Variants in WDPCP observed in about 807,000 individuals in gnomAD.
WDPCP encodes WD repeat-containing and planar cell polarity effector protein fritz homolog.
In WDPCP, 71 loss-of-function variants were observed where a neutral mutation model predicts 93.1. That is an observed-to-expected ratio of 0.76 (90% CI 0.63 to 0.93). The LOEUF (loss-of-function observed/expected upper bound fraction) is 0.93. Ranked by LOEUF, WDPCP falls within the 40% of genes least tolerant of loss-of-function variation. The pLI, the probability that WDPCP is intolerant of heterozygous loss-of-function variation, is 0.00. For synonymous variants in WDPCP, 315 were observed against 315.0 expected, an observed-to-expected ratio of 1.00 and a Z score of 0.00; for missense variants, 844 against 887.4, an observed-to-expected ratio of 0.95 and a Z score of 0.62.
At chr2:63,200,941 A>C (rs973519196) in intron 14 of WDPCP, among the ~76,000 whole-genome samples, 2 of 152,004 alleles carry the variant, frequency 1.3e-5, no homozygotes, top group African/African-American at 4.8e-5. Flanking sequence ...AAATGTGAGA[A>C]GGACATGAGA....
intron 1 of WDPCP, among the ~76,000 whole-genome samples, chr2:63,554,054 A>G (rs2106373160): frequency 6.6e-6 from 1 of 152,328 alleles, no homozygotes; most frequent in South Asian, 2.1e-4. Flanking sequence ...ACCAAATGCC[A>G]GTTTCACCCA....
At chr2:63,811,339 A>G (rs1197372442) in intron 2 of WDPCP, among the ~76,000 whole-genome samples, 1 of 152,232 alleles carries the variant, frequency 6.6e-6, no homozygotes, top group African/African-American at 2.4e-5. Flanking sequence ...TCTTGCTCAC[A>G]GACTCACTCT....
chr2:63,677,742 C>A (rs914823072), intron 2 of WDPCP, among the ~76,000 whole-genome samples: 1 of 152,100 alleles, frequency 6.6e-6, no homozygotes, highest in African/African-American at 2.4e-5. Context: ...AAAATAAGAG[C>A]ATTTTCAGAC....
intron 14 of WDPCP, among the ~76,000 whole-genome samples, chr2:63,216,803 T>C (rs1382663614): frequency 1.3e-5 from 2 of 152,124 alleles, no homozygotes; most frequent in Admixed American, 6.5e-5. Context: ...GCTTAGGAAA[T>C]TTTTTAATGA....
intron 2 of WDPCP, among the ~76,000 whole-genome samples, chr2:63,658,674 C>T (rs1710193783): frequency 6.6e-6 from 1 of 152,204 alleles, no homozygotes; most frequent in Non-Finnish European, 1.5e-5. Flanking sequence ...GCCTTTAATG[C>T]TCAAATAACA....
At chr2:63,327,103 C>T (rs1261977163) in intron 12 of WDPCP, among the ~76,000 whole-genome samples, 1 of 152,056 alleles carries the variant, frequency 6.6e-6, no homozygotes, top group East Asian at 1.9e-4. Flanking sequence ...GAACTCCCTT[C>T]AGGACAGGAC....
At chr2:63,344,704 A>G (rs1195038323) in intron 12 of WDPCP, among the ~76,000 whole-genome samples, 1 of 152,178 alleles carries the variant, frequency 6.6e-6, no homozygotes, top group Non-Finnish European at 1.5e-5. Context: ...TACATGCTTT[A>G]GATACACACT....
intron 3 of WDPCP, among the ~76,000 whole-genome samples, chr2:63,625,409 C>A (rs1709799005): frequency 6.6e-6 from 1 of 152,152 alleles, no homozygotes; most frequent in Non-Finnish European, 1.5e-5. Context: ...AAGATAACAT[C>A]ATTGTATATT....
At chr2:63,303,738 T>G (rs893119991) in intron 13 of WDPCP, among the ~76,000 whole-genome samples, 1 of 152,076 alleles carries the variant, frequency 6.6e-6, no homozygotes, top group African/African-American at 2.4e-5. Flanking sequence ...CTTGGCTCTC[T>G]GGGGCAATGG....
chr2:63,216,420 A>G (rs1456408149), intron 14 of WDPCP, among the ~76,000 whole-genome samples: 2 of 152,206 alleles, frequency 1.3e-5, no homozygotes, highest in African/African-American at 4.8e-5. Context: ...ACATGGATGA[A>G]GCTGGAAACC....
At chr2:63,320,078 GC>G (rs1408507328) in intron 12 of WDPCP, among the ~76,000 whole-genome samples, 1 of 152,014 alleles carries the variant, frequency 6.6e-6, no homozygotes, top group African/African-American at 2.4e-5. Context: ...AGCCTTACAT[GC>G]TTATATTGAA....
intron 2 of WDPCP, among the ~76,000 whole-genome samples, chr2:63,802,689 G>T (rs1409195923): frequency 1.3e-5 from 2 of 151,974 alleles, no homozygotes; most frequent in Admixed American, 1.3e-4. Flanking sequence ...TCTGGCAAAT[G>T]AATTAGGAAA....
chr2:63,709,890 G>C (rs1669234047), intron 2 of WDPCP, among the ~76,000 whole-genome samples: 1 of 152,196 alleles, frequency 6.6e-6, no homozygotes, highest in Non-Finnish European at 1.5e-5. Context: ...TTTTGGGTTT[G>C]TGAAAGCAAT....
intron 9 of WDPCP, among the ~76,000 whole-genome samples, chr2:63,405,464 T>C (rs1694492140): frequency 6.6e-6 from 1 of 152,180 alleles, no homozygotes; most frequent in Middle Eastern, 3.4e-3. Flanking sequence ...GGGAAATCTA[T>C]GTAAACAGAG....
At chr2:63,818,120 T>A (rs1009956252) in intron 1 of WDPCP, among the ~76,000 whole-genome samples, 1 of 152,146 alleles carries the variant, frequency 6.6e-6, no homozygotes, top group Non-Finnish European at 1.5e-5. Flanking sequence ...TGGCGAGTAA[T>A]GAAAGAGAAT....
intron 14 of WDPCP, among the ~76,000 whole-genome samples, chr2:63,258,629 T>TAA (rs2104767125): frequency 6.6e-6 from 1 of 152,280 alleles, no homozygotes; most frequent in South Asian, 2.1e-4. Context: ...CTTTGCCTAC[T>TAA]TTAGGAATAA....
chr2:63,378,589 T>C, intron 11 of WDPCP, 80 bp from the exon 12 acceptor site: 7 of 1,595,708 alleles, frequency 4.4e-6, no homozygotes, highest in Non-Finnish European at 6.0e-6. Context: ...TTGCAGTCAG[T>C]CAGGTTTTGC....
intron 2 of WDPCP, among the ~76,000 whole-genome samples, chr2:63,745,354 A>G (rs1669779204): frequency 6.6e-6 from 1 of 152,228 alleles, no homozygotes; most frequent in East Asian, 1.9e-4. Context: ...AATATGGTTA[A>G]AACTATTCCA....
intron 2 of WDPCP, among the ~76,000 whole-genome samples, chr2:63,721,864 CG>C (rs1489321824): frequency 6.6e-6 from 1 of 152,190 alleles, no homozygotes; most frequent in African/African-American, 2.4e-5. Flanking sequence ...CTCAGCCTGC[CG>C]AGTGCCTGCG....
Sources: allele counts gnomAD v4.1 joint callset (sites outside exome capture counted in the v4.1 genomes callset), GRCh38; gene constraint gnomAD v4.1.1; transcripts MANE v1.5; gene names NCBI Gene and HGNC (gene_info 2026-07-23, HGNC 2026-07-21).